The following NCAM2 variants were observed in gnomAD, a reference collection of about 807,000 sequenced individuals.
NCAM2 encodes the protein N-CAM-2.
A neutral mutation model predicts 98.1 loss-of-function variants in NCAM2; 30 were observed. That is an observed-to-expected ratio of 0.31 (90% confidence interval 0.23 to 0.41). The LOEUF (loss-of-function observed/expected upper bound fraction) is 0.41. NCAM2 is among the 10% of genes least tolerant of loss of function. The pLI, the probability that NCAM2 is intolerant of heterozygous loss-of-function variation, is 1.00. For missense variants in NCAM2, 867 were observed against 1,005.8 expected (o/e 0.86, Z 1.87); for synonymous variants, 368 against 342.4 (o/e 1.07, Z -0.83).
chr21:21,040,263 C>T (rs1021172165), intron 1 of NCAM2, among the ~76,000 whole-genome samples: 9 of 151,988 alleles, frequency 5.9e-5, no homozygotes, highest in African/African-American at 1.2e-4. Flanking sequence ...AAGCTTTGGC[C>T]GAGAGAAGAT....
chr21:21,439,968 C>T (rs963869478), intron 12 of NCAM2, among the ~76,000 whole-genome samples: 11 of 152,242 alleles, frequency 7.2e-5, no homozygotes, highest in African/African-American at 2.6e-4. Flanking sequence ...TCTCTTAAAA[C>T]AGAGGAACTG....
intron 1 of NCAM2, among the ~76,000 whole-genome samples, chr21:21,065,744 T>C (rs189917340): frequency 6.6e-6 from 1 of 152,192 alleles, no homozygotes. Context: ...TGCTTCGTTA[T>C]TTTGATGGGA....
At chr21:21,530,323 T>TA (rs1569142214) in intron 16 of NCAM2, among the ~76,000 whole-genome samples, 1 of 24,466 alleles carries the variant, frequency 4.1e-5, no homozygotes, top group African/African-American at 1.8e-4. Context: ...TATAATTAAA[T>TA]TAAATTAAAT....
At position 21,434,413 on chromosome 21, in the gene NCAM2, A is replaced by T. The variant is rs1187934840; in HGVS notation, c.1654+2132A>T. Among the ~76,000 whole-genome samples, 3 of 152,286 alleles carry T rather than the reference A, an allele frequency of 2.0e-5. No homozygotes were observed. In the East Asian group the frequency reaches 5.8e-4, roughly 29 times the overall value. On this transcript the variant is annotated intron_variant, in intron 12 of 17. Coordinates refer to ENST00000400546, the MANE Select transcript of NCAM2 (RefSeq NM_004540.5). The stretch of plus-strand genomic sequence containing the variant: ...AAAGTCTTGTGGCTAGGGATTTCTC[A>T]CTTTGATTTGAGGAAAATGACAGCA...
rs570971288 is a variant in NCAM2, at chr21:21,265,280, CAT to C, written c.56-15295_56-15294del. Among the ~76,000 whole-genome samples, 234 of 126,346 alleles carry C rather than the reference CAT, an allele frequency of 1.9e-3. 7 individuals are homozygous for C. The South Asian group carries it at 0.045, about 25-fold the overall frequency. 82.9% of individuals were successfully genotyped at this position (126,346 alleles called of 152,430 possible). A position where few individuals can be genotyped will look rare whatever the true frequency, so the allele number is the denominator to read the frequency against. On this transcript the variant is annotated intron_variant, in intron 1 of 17. Transcript: ENST00000400546. ...ACGTATATACACACATATATGTACA[CAT>C]ATGTGTGTATATATACGTGTATACA... is the stretch of plus-strand genomic sequence containing the variant.
At chr21:21,239,783 T>A (rs1601734758) in intron 1 of NCAM2, among the ~76,000 whole-genome samples, 1 of 152,260 alleles carries the variant, frequency 6.6e-6, no homozygotes, top group East Asian at 1.9e-4. Context: ...AATTCCCTAA[T>A]ATATAAAATA....
chr21:21,043,798 G>A (rs568853887), intron 1 of NCAM2, among the ~76,000 whole-genome samples: 1 of 144,880 alleles, frequency 6.9e-6, no homozygotes, highest in Admixed American at 7.1e-5. Context: ...AGCTTACAGT[G>A]AGCCGAGTTC....
intron 1 of NCAM2, among the ~76,000 whole-genome samples, chr21:21,245,359 A>C (rs1248338914): frequency 1.3e-5 from 2 of 152,168 alleles, no homozygotes; most frequent in Non-Finnish European, 2.9e-5. Context: ...GAGTGATTGC[A>C]TATGTGTTCG....
In NCAM2 at chr21:21,214,424, A is replaced by G. The variant is rs77689432; in HGVS notation, c.56-66154A>G. On this transcript the variant is annotated intron_variant, in intron 1 of 17. Transcript: ENST00000400546. ...AAAATTTGGGTAGGGTCACATATGT[A>G]ATATGGGTGCCAGGATAATTGGCCA... 1.1e-4 allele frequency among the ~76,000 whole-genome samples: 16 copies of G among 152,142 alleles called. No individual in the cohort carries two copies. The East Asian group carries it at 2.7e-3, about 26-fold the overall frequency.
intron 8 of NCAM2, among the ~76,000 whole-genome samples, chr21:21,366,921 A>G (rs1455269195): frequency 1.3e-5 from 2 of 152,102 alleles, no homozygotes; most frequent in South Asian, 2.1e-4. Flanking sequence ...GTTGATCCAT[A>G]TGATGTATGA....
rs1216446843 is a variant in NCAM2 at position 21,316,318 on chromosome 21, G to T, written c.620-8065G>T. Among the ~76,000 whole-genome samples the T allele has an allele frequency of 3.3e-5, 5 of 152,018 alleles. No individual in the cohort carries two copies. The South Asian group carries it at 1.0e-3, about 31-fold the overall frequency. ...GTTCTAGGGTACATGTGCACAACGTGTAGGTTTGTTACATATGTTTACATG... is the reference window on the plus strand; with the variant it reads ...GTTCTAGGGTACATGTGCACAACGTTTAGGTTTGTTACATATGTTTACATG... On this transcript the variant is annotated intron_variant, in intron 5 of 17. Coordinates refer to ENST00000400546, the MANE Select transcript of NCAM2 (RefSeq NM_004540.5).
chr21:21,520,884 A>AC (rs140659354), intron 16 of NCAM2, among the ~76,000 whole-genome samples: 5,204 of 152,228 alleles, frequency 0.034, 274 homozygotes, highest in African/African-American at 0.12. Flanking sequence ...CTCCAGGATG[A>AC]CTTAGTCATA....
chr21:21,097,841 C>T (rs1245115114), intron 1 of NCAM2, among the ~76,000 whole-genome samples: 2 of 100,998 alleles, frequency 2.0e-5, no homozygotes, highest in African/African-American at 3.0e-5. Flanking sequence ...AAATATAACC[C>T]AGAATTGAAC....
chr21:21,181,707 C>G (rs1485403908), intron 1 of NCAM2, among the ~76,000 whole-genome samples: 1 of 152,108 alleles, frequency 6.6e-6, no homozygotes, highest in Admixed American at 6.6e-5. Flanking sequence ...TTACTCAGTT[C>G]TTTTCTGAAA....
intron 1 of NCAM2, among the ~76,000 whole-genome samples, chr21:21,036,813 A>G (rs80155072): frequency 0.012 from 1,769 of 152,288 alleles, 38 homozygotes; most frequent in African/African-American, 0.04. Context: ...AGCTGCCCTC[A>G]GAAAGAATAG....
chr21:21,161,256 A>G (rs552674157), intron 1 of NCAM2, among the ~76,000 whole-genome samples: 1 of 152,184 alleles, frequency 6.6e-6, no homozygotes, highest in South Asian at 2.1e-4. Context: ...AGAAAAAAAG[A>G]TAAAAAATTT....
intron 2 of NCAM2, among the ~76,000 whole-genome samples, chr21:21,281,580 A>G (rs1286242886): frequency 6.6e-6 from 1 of 152,114 alleles, no homozygotes; most frequent in Non-Finnish European, 1.5e-5. Flanking sequence ...TCAAAGTTTA[A>G]TCAAACATAT....
intron 1 of NCAM2, among the ~76,000 whole-genome samples, chr21:21,019,452 C>T (rs1439513592): frequency 6.6e-6 from 1 of 152,082 alleles, no homozygotes; most frequent in African/African-American, 2.4e-5. Context: ...CTTGCTCATC[C>T]ACTTGCTGGA....
intron 1 of NCAM2, among the ~76,000 whole-genome samples, chr21:21,206,466 A>G (rs964860735): frequency 1.4e-4 from 21 of 152,146 alleles, no homozygotes; most frequent in African/African-American, 4.1e-4. Context: ...TGATGCTGCT[A>G]TGACCTTGCA....
Sources: allele counts gnomAD v4.1 joint callset (sites outside exome capture counted in the v4.1 genomes callset), GRCh38; gene constraint gnomAD v4.1.1; transcripts MANE v1.5; gene names NCBI Gene and HGNC (gene_info 2026-07-23, HGNC 2026-07-21).